Variants in SLC25A40 observed in about 807,000 individuals in gnomAD.
The protein encoded by SLC25A40 is mitochondrial glutathione transporter SLC25A40.
In SLC25A40, 41 loss-of-function variants were observed where a neutral mutation model predicts 46.5. The observed-to-expected ratio is 0.88, with a 90% confidence interval of 0.69 to 1.14. The LOEUF (loss-of-function observed/expected upper bound fraction) is 1.14. Ranked by LOEUF, SLC25A40 falls within the 50% of genes most tolerant of loss-of-function variation. SLC25A40 has a pLI of 0.00. For synonymous variants in SLC25A40, 126 were observed against 127.5 expected, an observed-to-expected ratio of 0.99 and a Z score of 0.08; for missense variants, 386 against 393.6, an observed-to-expected ratio of 0.98 and a Z score of 0.16.
chr7:87,847,137 T>A lies in SLC25A40; in HGVS notation c.458-15A>T. On this transcript the variant is annotated splice_polypyrimidine_tract_variant and intron_variant, in intron 7 of 11. Coordinates refer to ENST00000341119, the MANE Select transcript of SLC25A40 (RefSeq NM_018843.4). ...TACTGCACCAACTAATACAAACAAGTTAAAAAAAAGAAAACAAAAATAAAG... is the reference window on the plus strand; with the variant it reads ...TACTGCACCAACTAATACAAACAAGATAAAAAAAAGAAAACAAAAATAAAG... 6.4e-7 allele frequency: 1 copy of A among 1,555,784 alleles called. No homozygotes were observed. The highest frequency in any genetic ancestry group is 8.7e-7 in the Non-Finnish European group (1 of 1,151,382).
At chr7:87,856,839 T>G (rs927472966) in intron 3 of SLC25A40, among the ~76,000 whole-genome samples, 1 of 152,172 alleles carries the variant, frequency 6.6e-6, no homozygotes, top group African/African-American at 2.4e-5. Context: ...CATTTGGGCA[T>G]AGCACAGCAA....
At chr7:87,850,012 T>C in intron 5 of SLC25A40, 64 bp from the exon 6 acceptor site, 2 of 998,632 alleles carry the variant, frequency 2.0e-6, no homozygotes, top group Non-Finnish European at 2.9e-6. Context: ...CAAAAATTTA[T>C]ACTGATGATT....
At chr7:87,867,964 T>C (rs1309958582) in intron 1 of SLC25A40, among the ~76,000 whole-genome samples, 2 of 152,238 alleles carry the variant, frequency 1.3e-5, no homozygotes, top group Non-Finnish European at 2.9e-5. Context: ...TCTTACATTG[T>C]GGTGTTGCTG....
At chr7:87,840,058 T>A (rs1214930470) in intron 10 of SLC25A40, among the ~76,000 whole-genome samples, 1 of 151,774 alleles carries the variant, frequency 6.6e-6, no homozygotes. Context: ...AGTAAACCTT[T>A]AAGTAACTGG....
At chr7:87,859,158 T>C (rs940837901) in intron 2 of SLC25A40, among the ~76,000 whole-genome samples, 2 of 152,086 alleles carry the variant, frequency 1.3e-5, no homozygotes, top group African/African-American at 4.8e-5. Context: ...AACTTACTAT[T>C]CAAAAATAAT....
intron 5 of SLC25A40, among the ~76,000 whole-genome samples, chr7:87,852,325 T>C (rs1410634290): frequency 2.0e-5 from 3 of 152,118 alleles, no homozygotes; most frequent in Non-Finnish European, 4.4e-5. Context: ...CTCACGCCGG[T>C]ATCTCAGCAC....
chr7:87,849,636 C>G (rs192334880), intron 6 of SLC25A40, among the ~76,000 whole-genome samples: 11 of 152,296 alleles, frequency 7.2e-5, no homozygotes, highest in African/African-American at 2.6e-4. Flanking sequence ...GCCTTTTTCC[C>G]TTACCGATTC....
chr7:87,839,837 A>C (rs1311879304), intron 10 of SLC25A40, among the ~76,000 whole-genome samples: 1 of 151,802 alleles, frequency 6.6e-6, no homozygotes, highest in Non-Finnish European at 1.5e-5. Context: ...ACTTGCATGG[A>C]ACTATCATTC....
chr7:87,843,656 C>G (rs1584323863), intron 9 of SLC25A40, 98 bp downstream of exon 9: 1 of 826,306 alleles, frequency 1.2e-6, no homozygotes, highest in Non-Finnish European at 1.9e-6. Flanking sequence ...AGCAGTGCAG[C>G]CAAAGTGGAT....
chr7:87,836,482 A>G (rs1340486466), intron 11 of SLC25A40, 121 bp from the exon 12 acceptor site: 3 of 654,908 alleles, frequency 4.6e-6, no homozygotes, highest in Non-Finnish European at 4.7e-6. Context: ...GTTCAAATCC[A>G]TAAATTGGTA....
chr7:87,872,482 A>G (rs564231572), intron 1 of SLC25A40, among the ~76,000 whole-genome samples: 2 of 152,304 alleles, frequency 1.3e-5, no homozygotes, highest in East Asian at 3.9e-4. Context: ...CAGTCAGATG[A>G]TAGAGGAAGA....
At chr7:87,866,584 G>A (rs138477330) in intron 1 of SLC25A40, among the ~76,000 whole-genome samples, 21 of 152,334 alleles carry the variant, frequency 1.4e-4, no homozygotes, top group African/African-American at 3.4e-4. Flanking sequence ...AGCCATGGGC[G>A]TCCTCTGAGG....
chr7:87,838,839 G>A (rs180733999), intron 10 of SLC25A40, among the ~76,000 whole-genome samples: 23 of 151,588 alleles, frequency 1.5e-4, no homozygotes, highest in Admixed American at 5.9e-4. Flanking sequence ...CTTCTGCAAT[G>A]TGCTTTCAGA....
intron 1 of SLC25A40, among the ~76,000 whole-genome samples, chr7:87,871,088 C>T (rs1003880196): frequency 4.6e-5 from 7 of 152,196 alleles, no homozygotes; most frequent in African/African-American, 7.2e-5. Context: ...CAAAAGCACT[C>T]GCCCTAGCTT....
intron 5 of SLC25A40, among the ~76,000 whole-genome samples, chr7:87,850,748 AAC>A (rs1383319689): frequency 2.0e-5 from 3 of 152,004 alleles, no homozygotes; most frequent in Non-Finnish European, 4.4e-5. Context: ...AGGCCTGGGC[AAC>A]AGAGTGAGAC....
chr7:87,858,846 G>C (rs1156329429), intron 2 of SLC25A40, 95 bp from the exon 3 acceptor site: 1 of 679,310 alleles, frequency 1.5e-6, no homozygotes, highest in Non-Finnish European at 2.6e-6. Context: ...CATCACATTA[G>C]TAAGACAACT....
rs191705988 is a variant in SLC25A40 at position 87,851,645 on chromosome 7, G to A, written c.265-1697C>T. Among the ~76,000 whole-genome samples, 142 of 152,306 alleles carry A rather than the reference G, an allele frequency of 9.3e-4. 1 individual carries two copies. Among genetic ancestry groups the A allele is most frequent in the Non-Finnish European group, 1.4e-3 (92 of 68,026 alleles). The stretch of plus-strand genomic sequence containing the variant: ...GAGACTACCCCACTACACCGTCAGT[G>A]GAAACCATATAGAAAGCCAGAATTC... On this transcript the variant is annotated intron_variant, in intron 5 of 11. Transcript: ENST00000341119.
At chr7:87,844,435 A>T (rs994658950) in intron 8 of SLC25A40, among the ~76,000 whole-genome samples, 3 of 152,112 alleles carry the variant, frequency 2.0e-5, no homozygotes, top group Admixed American at 1.3e-4. Flanking sequence ...TTGATAAAGA[A>T]CATGCATCAA....
At chr7:87,854,463 A>G (rs1312634859) in intron 4 of SLC25A40, among the ~76,000 whole-genome samples, 153 bp from the exon 5 acceptor site, 1 of 152,224 alleles carries the variant, frequency 6.6e-6, no homozygotes, top group African/African-American at 2.4e-5. Flanking sequence ...ACTTTTTAGG[A>G]TGAAACAGAC....
Sources: allele counts gnomAD v4.1 joint callset (sites outside exome capture counted in the v4.1 genomes callset), GRCh38; gene constraint gnomAD v4.1.1; transcripts MANE v1.5; gene names NCBI Gene and HGNC (gene_info 2026-07-23, HGNC 2026-07-21).